Variants in CREB3L2 observed in about 807,000 individuals in gnomAD.
CREB3L2 encodes the protein cyclic AMP-responsive element-binding protein 3-like protein 2.
A neutral mutation model predicts 57.2 loss-of-function variants in CREB3L2; 23 were observed. The observed-to-expected ratio is 0.40, with a 90% confidence interval of 0.29 to 0.57. The LOEUF (loss-of-function observed/expected upper bound fraction) is 0.57, where lower values mean the gene tolerates loss of function less well. Ranked by LOEUF, CREB3L2 falls within the 20% of genes least tolerant of loss-of-function variation. The pLI is 0.42. For missense variants in CREB3L2, 628 were observed against 634.7 expected, an observed-to-expected ratio of 0.99 and a Z score of 0.11; for synonymous variants, 268 against 265.1, an observed-to-expected ratio of 1.01 and a Z score of -0.11.
intron 1 of CREB3L2, among the ~76,000 whole-genome samples, chr7:137,956,014 T>G (rs2117278467): frequency 6.6e-6 from 1 of 152,344 alleles, no homozygotes; most frequent in South Asian, 2.1e-4. Context: ...TCACTCATAC[T>G]TTGATGTTTA....
At chr7:137,905,985 G>A in intron 5 of CREB3L2, 137 bp from the exon 6 acceptor site, 1 of 788,776 alleles carries the variant, frequency 1.3e-6, no homozygotes, top group Admixed American at 2.9e-5. Flanking sequence ...CATCTGCTTT[G>A]GGTGACAGAT....
intron 1 of CREB3L2, among the ~76,000 whole-genome samples, chr7:137,984,843 T>C (rs1801766978): frequency 2.0e-5 from 3 of 152,192 alleles, no homozygotes; most frequent in Admixed American, 2.0e-4. Flanking sequence ...TCATGAAAGA[T>C]CAAAGGTCTC....
intron 1 of CREB3L2, among the ~76,000 whole-genome samples, chr7:137,975,950 T>G (rs79984973): frequency 0.086 from 13,041 of 152,272 alleles, 873 homozygotes; most frequent in African/African-American, 0.19. Flanking sequence ...GGAAAGACAC[T>G]GAGTGGGAGG....
At chr7:137,987,511 G>A (rs1801812238) in intron 1 of CREB3L2, among the ~76,000 whole-genome samples, 1 of 152,202 alleles carries the variant, frequency 6.6e-6, no homozygotes, top group South Asian at 2.1e-4. Flanking sequence ...TAAAAATTAA[G>A]TTTAAATCAA....
intron 8 of CREB3L2, among the ~76,000 whole-genome samples, chr7:137,899,862 C>T (rs1018262926): frequency 2.0e-5 from 3 of 152,148 alleles, no homozygotes; most frequent in Non-Finnish European, 2.9e-5. Flanking sequence ...CATCAGGAAA[C>T]GGGAATTAAA....
At chr7:137,931,944 G>C (rs1800653477) in intron 1 of CREB3L2, among the ~76,000 whole-genome samples, 1 of 152,116 alleles carries the variant, frequency 6.6e-6, no homozygotes, top group African/African-American at 2.4e-5. Flanking sequence ...TTTTTCTCAA[G>C]AAATAAAACA....
chr7:137,920,591 T>C (rs1271038131), intron 2 of CREB3L2, among the ~76,000 whole-genome samples: 1 of 152,216 alleles, frequency 6.6e-6, no homozygotes, highest in Non-Finnish European at 1.5e-5. Context: ...GCCGAATGTA[T>C]GAAAAATAAA....
At chr7:137,925,721 C>T (rs147365111) in intron 2 of CREB3L2, among the ~76,000 whole-genome samples, 3 of 152,292 alleles carry the variant, frequency 2.0e-5, no homozygotes, top group Non-Finnish European at 4.4e-5. Flanking sequence ...CCAGACAAAG[C>T]TTTGCTGAAC....
At chr7:137,883,981 T>C (rs1799353997) in intron 10 of CREB3L2, among the ~76,000 whole-genome samples, 1 of 144,000 alleles carries the variant, frequency 6.9e-6, no homozygotes, top group Non-Finnish European at 1.6e-5. Flanking sequence ...ATCTTGGGCA[T>C]AAGGTTTTGG....
chr7:137,875,850 C>T lies in CREB3L2; in HGVS notation c.*4626G>A, dbSNP rs1328565038. The T allele has an allele frequency of 3.1e-5, 7 of 224,198 alleles. No individual in the cohort carries two copies. The East Asian group carries it at 4.5e-4, about 15-fold the overall frequency. 13.9% of individuals were successfully genotyped at this position (224,198 alleles called of 1,614,324 possible). A position where few individuals can be genotyped will look rare whatever the true frequency, so the allele number is the denominator to read the frequency against. On this transcript the variant is annotated 3_prime_UTR_variant, in exon 12 of 12. Transcript: ENST00000330387. The stretch of plus-strand genomic sequence containing the variant: ...TGCTCAAGAAATATTATTTCCCTTC[C>T]TTCTAGAAACCAAGGCTAAATAAAA...
intron 1 of CREB3L2, among the ~76,000 whole-genome samples, chr7:137,968,919 A>G (rs1801453941): frequency 6.6e-6 from 1 of 152,218 alleles, no homozygotes; most frequent in African/African-American, 2.4e-5. Flanking sequence ...GAAAGTGAGA[A>G]GGGGCAAAAA....
At chr7:137,972,712 A>ACAAAACAAACAAAC (rs1365253618) in intron 1 of CREB3L2, among the ~76,000 whole-genome samples, 4 of 34,118 alleles carry the variant, frequency 1.2e-4, no homozygotes, top group Non-Finnish European at 1.9e-4. Flanking sequence ...AAAAAAAAAA[A>ACAAAACAAACAAAC]ATATATATAT....
chr7:137,926,101 G>A (rs766441066), intron 2 of CREB3L2, among the ~76,000 whole-genome samples: 33 of 152,154 alleles, frequency 2.2e-4, no homozygotes, highest in Non-Finnish European at 3.7e-4. Context: ...GCGAGGATGC[G>A]GAGAAACAGG....
At position 137,880,763 on chromosome 7, in the gene CREB3L2, T is replaced by A. The variant is rs918948653; in HGVS notation, c.1488-212A>T. 5.9e-5 allele frequency among the ~76,000 whole-genome samples: 9 copies of A among 152,178 alleles called. No individual in the cohort carries two copies. Among genetic ancestry groups the A allele is most frequent in the Non-Finnish European group, 1.0e-4 (7 of 68,042 alleles). ...ACTAGTCCACATTCCTACCTTTATC[T>A]ACACCCAAGGCATCCCAACCCTACT... On this transcript the variant is annotated intron_variant, in intron 11 of 11. Coordinates refer to ENST00000330387, the MANE Select transcript of CREB3L2 (RefSeq NM_194071.4). This position sits in a 1 kb window ranked among gnomAD's most constrained non-coding sequence, Gnocchi z 4.0.
Position 137,946,844 on chromosome 7 carries a change from C to CTATATAGTTATCTATATAGTTATA in CREB3L2, c.103-18502_103-18479dup, listed in dbSNP as rs1563262260. Among the ~76,000 whole-genome samples, 18 of 28,894 alleles carry CTATATAGTTATCTATATAGTTATA rather than the reference C, an allele frequency of 6.2e-4. 6 individuals carry two copies. The East Asian group carries it at 0.013, about 21-fold the overall frequency. The allele number at this position is 28,894 out of a possible 152,430, so 19.0% of individuals were successfully genotyped here. On this transcript the variant is annotated intron_variant, in intron 1 of 11. Transcript: ENST00000330387. ...TATATAGTTATCTATATATAGTTATCTATATAGTTATCTATATAGTTATAT... is the reference window on the plus strand; with the variant it reads ...TATATAGTTATCTATATATAGTTATCTATATAGTTATCTATATAGTTATATATATAGTTATCTATATAGTTATAT...
chr7:137,891,768 G>A (rs1204116047), intron 8 of CREB3L2, among the ~76,000 whole-genome samples: 1 of 152,008 alleles, frequency 6.6e-6, no homozygotes, highest in African/African-American at 2.4e-5. Context: ...TAGTAGAGAT[G>A]GGGTTTCACC....
chr7:137,937,413 C>A (rs537658983), intron 1 of CREB3L2, among the ~76,000 whole-genome samples: 3 of 152,222 alleles, frequency 2.0e-5, no homozygotes, highest in Non-Finnish European at 2.9e-5. Context: ...TCCCTCCTCC[C>A]CTTGCAGGGA....
intron 3 of CREB3L2, among the ~76,000 whole-genome samples, chr7:137,914,979 C>T (rs1013449246): frequency 1.8e-4 from 28 of 152,186 alleles, no homozygotes; most frequent in Admixed American, 1.5e-3. Context: ...CTGCAGCTTC[C>T]GCCTCCCAAA....
intron 1 of CREB3L2, among the ~76,000 whole-genome samples, chr7:137,943,515 T>A (rs1269908234): frequency 6.6e-6 from 1 of 152,200 alleles, no homozygotes; most frequent in Non-Finnish European, 1.5e-5. Context: ...TTAAAACTAC[T>A]GTACTACTTT....
Sources: allele counts gnomAD v4.1 joint callset (sites outside exome capture counted in the v4.1 genomes callset), GRCh38; gene constraint gnomAD v4.1.1; non-coding constraint Gnocchi (gnomAD v3.1); transcripts MANE v1.5; gene names NCBI Gene and HGNC (gene_info 2026-07-23, HGNC 2026-07-21).